Variants in LRRC46 observed in about 807,000 individuals in gnomAD.
The protein encoded by LRRC46 is leucine rich repeat containing 46.
LRRC46 carries 20 observed loss-of-function variants against 28.0 expected under a neutral mutation model. That is an observed-to-expected ratio of 0.71 (90% CI 0.50 to 1.04). The LOEUF is 1.04. Ranked by LOEUF, LRRC46 falls within the 50% of genes least tolerant of loss-of-function variation. The probability of loss-of-function intolerance (pLI) is 0.00; values close to 1 mark genes in which losing one functional copy is unlikely to be tolerated. For synonymous variants in LRRC46, 156 were observed against 158.8 expected, an observed-to-expected ratio of 0.98 and a Z score of 0.13; for missense variants, 315 against 390.1, an observed-to-expected ratio of 0.81 and a Z score of 1.62.
Position 47,831,763 on chromosome 17 carries a change from G to T in LRRC46, c.-227G>T. ...CCCACAACACCCCAGCTTGCTGCCA[G>T]CAAAGCCCCTCCACACCCCTCAAAC... On this transcript the variant is annotated 5_prime_UTR_variant, in exon 1 of 8. Coordinates refer to ENST00000269025, the MANE Select transcript of LRRC46 (RefSeq NM_033413.4). 1 of 649,516 alleles carries T rather than the reference G, an allele frequency of 1.5e-6. No individual in the cohort carries two copies. The highest frequency in any genetic ancestry group is 2.7e-6 in the Non-Finnish European group (1 of 375,304). The allele number at this position is 649,516 out of a possible 1,614,324, so 40.2% of individuals were successfully genotyped here. A position where few individuals can be genotyped will look rare whatever the true frequency, so the allele number is the denominator to read the frequency against.
rs1227608589 is a variant in LRRC46 at position 47,836,269 on chromosome 17, G to A, written c.453-64G>A. On this transcript the variant is annotated intron_variant, in intron 6 of 7. Coordinates refer to ENST00000269025, the MANE Select transcript of LRRC46 (RefSeq NM_033413.4). This position sits in a 1 kb window ranked among gnomAD's most constrained non-coding sequence, Gnocchi z 5.8. Reference sequence around the variant, plus strand: ...CCTCCGGGTGTGAGTGCTGTGGTGCGTGTCTTTGCATCCTCCACGCCAGGG... The same window carrying A: ...CCTCCGGGTGTGAGTGCTGTGGTGCATGTCTTTGCATCCTCCACGCCAGGG... 2.7e-5 allele frequency: 43 copies of A among 1,602,784 alleles called. No individual in the cohort carries two copies. Among genetic ancestry groups the A allele is most frequent in the South Asian group, 7.8e-5 (7 of 89,788 alleles).
At chr17:47,835,920 A>T in intron 5 of LRRC46, 113 bp from the exon 6 acceptor site, 1 of 1,340,718 alleles carries the variant, frequency 7.5e-7, no homozygotes, top group South Asian at 1.2e-5. Context: ...TTGTGCCTAG[A>T]GGTACTGGCT....
At position 47,835,663 on chromosome 17, in the gene LRRC46, C is replaced by T. The variant is rs761516241; in HGVS notation, c.273-3C>T. 4 of 1,613,108 alleles carry T rather than the reference C, an allele frequency of 2.5e-6. No individual in the cohort carries two copies. Among genetic ancestry groups the T allele is most frequent in the Non-Finnish European group, 2.5e-6 (3 of 1,179,026 alleles). ...GCCTCTGTACCCCTTCCTTCCCCTA[C>T]AGCTTCCTGTCTCTGGCAGGAAACC... On this transcript the variant is annotated splice_polypyrimidine_tract_variant and splice_region_variant and intron_variant, in intron 4 of 7. Transcript: ENST00000269025.
chr17:47,836,327 C>T lies in LRRC46; in HGVS notation c.453-6C>T. The T allele has an allele frequency of 3.7e-6, 6 of 1,613,574 alleles. No individual in the cohort carries two copies. The highest frequency in any genetic ancestry group is 5.1e-6 in the Non-Finnish European group (6 of 1,179,942). ...CTGGGTAACCTCTGCTCCTTCTGCTCTGCAGCGAGCTGGTGACAGAAGCCC... is the reference window on the plus strand; with the variant it reads ...CTGGGTAACCTCTGCTCCTTCTGCTTTGCAGCGAGCTGGTGACAGAAGCCC... On this transcript the variant is annotated splice_polypyrimidine_tract_variant and splice_region_variant and intron_variant, in intron 6 of 7. Transcript: ENST00000269025. This position sits in a 1 kb window ranked among gnomAD's most constrained non-coding sequence, Gnocchi z 5.8.
rs754893678 is a variant in LRRC46, at chr17:47,835,337, C to G, written c.226-16C>G. The G allele has an allele frequency of 1.7e-5, 27 of 1,614,140 alleles. No homozygotes were observed. Among genetic ancestry groups the G allele is most frequent in the Non-Finnish European group, 2.1e-5 (25 of 1,179,980 alleles). On this transcript the variant is annotated splice_polypyrimidine_tract_variant and intron_variant, in intron 3 of 7. Coordinates refer to ENST00000269025, the MANE Select transcript of LRRC46 (RefSeq NM_033413.4). Reference sequence around the variant, plus strand: ...TGATCTCAGCTTGGTTTCCCCACTTCGGTTTCTTCTTGCAGAATAAGATCC... The same window carrying G: ...TGATCTCAGCTTGGTTTCCCCACTTGGGTTTCTTCTTGCAGAATAAGATCC...
At position 47,836,128 on chromosome 17, in the gene LRRC46, G is replaced by A; in HGVS notation, c.452+26G>A. On this transcript the variant is annotated intron_variant, in intron 6 of 7. Transcript: ENST00000269025. This position sits in a 1 kb window ranked among gnomAD's most constrained non-coding sequence, Gnocchi z 5.8. ...GTAAGGAGTGGAGGGTGGGAAGAAA[G>A]GTCATGGCTGAGCTCTACCTGCTAA... The A allele has an allele frequency of 6.2e-7, 1 of 1,613,068 alleles. No homozygotes were observed. The highest frequency in any genetic ancestry group is 8.5e-7 in the Non-Finnish European group (1 of 1,179,058).
At position 47,836,478 on chromosome 17, in the gene LRRC46, G is replaced by A. The variant is rs778380141; in HGVS notation, c.595+3G>A. 10 of 1,613,590 alleles carry A rather than the reference G, an allele frequency of 6.2e-6. No individual in the cohort carries two copies. The highest frequency in any genetic ancestry group is 8.5e-6 in the Non-Finnish European group (10 of 1,179,658). On this transcript the variant is annotated splice_donor_region_variant and intron_variant, in intron 7 of 7. Coordinates refer to ENST00000269025, the MANE Select transcript of LRRC46 (RefSeq NM_033413.4). The surrounding 1 kb of genome is among the most constrained non-coding windows in gnomAD (Gnocchi z 5.8). The stretch of plus-strand genomic sequence containing the variant: ...TGGCCCATTCTGCTCAGAACGAGGT[G>A]ACCCTGCTTTCCAAGGTTTTCAGCC...
At position 47,835,413 on chromosome 17, in the gene LRRC46, G is replaced by C; in HGVS notation, c.272+14G>C. The stretch of plus-strand genomic sequence containing the variant: ...CCCCTCCTTGCGGTATGTGGTGCCA[G>C]GGCTCAGGCAGGGGAAGAGGGGTTG... On this transcript the variant is annotated intron_variant, in intron 4 of 7. Coordinates refer to ENST00000269025, the MANE Select transcript of LRRC46 (RefSeq NM_033413.4). 1 of 1,613,788 alleles carries C rather than the reference G, an allele frequency of 6.2e-7. No individual in the cohort carries two copies. Among genetic ancestry groups the C allele is most frequent in the East Asian group, 2.2e-5 (1 of 44,882 alleles).
Position 47,836,693 on chromosome 17 carries a change from T to G in LRRC46, c.596-57T>G. 1.3e-6 allele frequency: 2 copies of G among 1,590,292 alleles called. No individual in the cohort carries two copies. The highest frequency in any genetic ancestry group is 1.7e-6 in the Non-Finnish European group (2 of 1,171,548). Reference sequence around the variant, plus strand: ...GAGACTTCCCTGAGCCCAGGGACCCTCCTGCTGAGCCCAGGGCTCCACCCA... The same window carrying G: ...GAGACTTCCCTGAGCCCAGGGACCCGCCTGCTGAGCCCAGGGCTCCACCCA... On this transcript the variant is annotated intron_variant, in intron 7 of 7. Transcript: ENST00000269025. This position sits in a 1 kb window ranked among gnomAD's most constrained non-coding sequence, Gnocchi z 5.8.
Position 47,834,344 on chromosome 17 carries a change from C to T in LRRC46, c.117-81C>T, listed in dbSNP as rs1009395215. On this transcript the variant is annotated intron_variant, in intron 2 of 7. Transcript: ENST00000269025. ...CAACTACCCCTCCTTGAAACCCCTT[C>T]CCTCCTCCGTCTCCCATCCTCCCTG... 3 of 1,030,790 alleles carry T rather than the reference C, an allele frequency of 2.9e-6. No individual in the cohort carries two copies. The African/African-American group carries it at 4.9e-5, about 17-fold the overall frequency. 63.9% of individuals were successfully genotyped at this position (1,030,790 alleles called of 1,614,324 possible). A position where few individuals can be genotyped will look rare whatever the true frequency, so the allele number is the denominator to read the frequency against.
intron 2 of LRRC46, among the ~76,000 whole-genome samples, chr17:47,833,565 C>T (rs898542647): frequency 6.6e-6 from 1 of 151,456 alleles, no homozygotes; most frequent in Non-Finnish European, 1.5e-5. Context: ...TCTCCAGCCT[C>T]AGCCTCCCGA....
chr17:47,832,067 G>A, intron 1 of LRRC46, 33 bp from the exon 2 acceptor site: 1 of 1,613,660 alleles, frequency 6.2e-7, no homozygotes, highest in Non-Finnish European at 8.5e-7. Flanking sequence ...CCAAGAGTGA[G>A]GAAGTGTCAC....
intron 2 of LRRC46, among the ~76,000 whole-genome samples, 155 bp downstream of exon 2, chr17:47,832,360 A>G (rs2033645197): frequency 6.6e-6 from 1 of 152,294 alleles, no homozygotes; most frequent in African/African-American, 2.4e-5. Flanking sequence ...CCCTTCTTCA[A>G]AATAATTCCA....
chr17:47,834,559 TC>T, intron 3 of LRRC46, 26 bp downstream of exon 3: 1 of 1,494,684 alleles, frequency 6.7e-7, no homozygotes, highest in Non-Finnish European at 9.3e-7. Flanking sequence ...ACCCTTCCCC[TC>T]CCCTTGACCC....
At position 47,837,053 on chromosome 17, in the gene LRRC46, C is replaced by G; in HGVS notation, c.899C>G (p.Ala300Gly). ...WGRKGARAAT[A>G]PKASVAEAPS... is the part of the protein sequence containing the mutation. ...AGGAAGGGGGCACGAGCAGCCACAG[C>G]CCCCAAGGCCTCTGTGGCTGAGGCC... The change falls in exon 8 of 8, where the codon GCC becomes GGC. Residue 300 changes from alanine (A) to glycine (G), a missense_variant. Ala to Gly is a moderately conservative substitution (Grantham distance 60). Coordinates refer to ENST00000269025, the MANE Select transcript of LRRC46 (RefSeq NM_033413.4). The G allele has an allele frequency of 6.2e-7, 1 of 1,606,522 alleles. No individual in the cohort carries two copies. Among genetic ancestry groups the G allele is most frequent in the Non-Finnish European group, 8.5e-7 (1 of 1,178,218 alleles).
chr17:47,835,353 A>G lies in LRRC46; in HGVS notation c.226A>G (p.Asn76Asp). 6.2e-7 allele frequency: 1 copy of G among 1,614,182 alleles called. No individual in the cohort carries two copies. The highest frequency in any genetic ancestry group is 8.5e-7 in the Non-Finnish European group (1 of 1,180,030). Residue 76 changes from asparagine (N) to aspartate (D), a missense_variant and splice_region_variant, in exon 4 of 8, where the codon AAT (asparagine) becomes GAT (aspartate). Asn to Asp is a conservative substitution (Grantham distance 23, BLOSUM62 1). Transcript: ENST00000269025. ...TCCCCACTTCGGTTTCTTCTTGCAGAATAAGATCCAGCAAATTGAGAACCT... is the reference window on the plus strand; with the variant it reads ...TCCCCACTTCGGTTTCTTCTTGCAGGATAAGATCCAGCAAATTGAGAACCT... ...QNLHSLYLQG[N>D]KIQQIENLAC...
Position 47,831,937 on chromosome 17 carries a change from CCT to C in LRRC46, c.-48_-47del, listed in dbSNP as rs2033638826. 2.5e-6 allele frequency: 4 copies of C among 1,612,040 alleles called. No individual in the cohort carries two copies. In the Admixed American group the frequency reaches 6.7e-5, roughly 27 times the overall value. ...CTGCCATCCTTAGGGGCCGCCAAGA[CCT>C]CTCTTTTCGTTCCTCTCCCGCCTCA... On this transcript the variant is annotated 5_prime_UTR_variant, in exon 1 of 8. Coordinates refer to ENST00000269025, the MANE Select transcript of LRRC46 (RefSeq NM_033413.4).
At position 47,837,000 on chromosome 17, in the gene LRRC46, C is replaced by T; in HGVS notation, c.846C>T (p.Pro282=). Reference sequence around the variant, plus strand: ...CCAAGAAACCATGCAGTCTGATTCCCAGGGGCCACCAAAGCTCTTTCTGGG... The same window carrying T: ...CCAAGAAACCATGCAGTCTGATTCCTAGGGGCCACCAAAGCTCTTTCTGGG... ...SPTKKPCSLI[P]RGHQSSFWGR... is the part of the protein sequence containing the mutation. Residue 282 remains proline (P), a synonymous_variant, in exon 8 of 8, where the codon CCC becomes CCT. Transcript: ENST00000269025. The surrounding 1 kb of genome is among the most constrained non-coding windows in gnomAD (Gnocchi z 5.8). 6.2e-7 allele frequency: 1 copy of T among 1,612,716 alleles called. No individual in the cohort carries two copies. The highest frequency in any genetic ancestry group is 8.5e-7 in the Non-Finnish European group (1 of 1,179,630).
intron 2 of LRRC46, among the ~76,000 whole-genome samples, chr17:47,832,529 A>C (rs756445751): frequency 1.3e-5 from 2 of 152,116 alleles, no homozygotes; most frequent in Admixed American, 6.5e-5. Context: ...TCTCTAAAAA[A>C]TAAAAATAAA....
Sources: gnomAD v4.1 joint callset for allele counts (sites outside exome capture counted in the v4.1 genomes callset) on GRCh38, gnomAD v4.1.1 for gene constraint, Gnocchi (gnomAD v3.1) non-coding constraint, MANE v1.5 for transcripts, NCBI Gene and HGNC (gene_info 2026-07-23, HGNC 2026-07-21) for gene names.